Variants in PTBP2 observed in about 807,000 individuals in gnomAD.
PTBP2 encodes polypyrimidine tract-binding protein 2.
PTBP2 carries 13 observed loss-of-function variants against 61.4 expected under a neutral mutation model. The ratio of observed to expected loss-of-function variants is 0.21; its 90% CI spans 0.14 to 0.34. The LOEUF is 0.34. Among genes scored for constraint, PTBP2 ranks in the 10% least tolerant of loss-of-function variants. PTBP2 has a pLI of 1.00. For missense variants in PTBP2, 405 were observed against 642.6 expected, an observed-to-expected ratio of 0.63 and a Z score of 4.00; for synonymous variants, 215 against 218.5, an observed-to-expected ratio of 0.98 and a Z score of 0.14.
chr1:96,784,690 A>G (rs1204644768), intron 7 of PTBP2, among the ~76,000 whole-genome samples: 1 of 152,154 alleles, frequency 6.6e-6, no homozygotes, highest in African/African-American at 2.4e-5. Context: ...AAATATATGT[A>G]TAATAAAATT....
At chr1:96,765,252 T>C (rs1222733715) in intron 3 of PTBP2, among the ~76,000 whole-genome samples, 3 of 152,194 alleles carry the variant, frequency 2.0e-5, no homozygotes, top group Non-Finnish European at 1.5e-5. Flanking sequence ...AGGAAAACTT[T>C]TATAAATGTG....
In PTBP2 at chr1:96,813,469, C is replaced by T; in HGVS notation, c.*64C>T. Reference sequence around the variant, plus strand: ...CAATGTCATCACCTATTTGACTGTTCAGAAAAGTGGGGACCAGAGTTTGAT... The same window carrying T: ...CAATGTCATCACCTATTTGACTGTTTAGAAAAGTGGGGACCAGAGTTTGAT... On this transcript the variant is annotated 3_prime_UTR_variant, in exon 14 of 14. Transcript: ENST00000674951. The T allele has an allele frequency of 7.3e-7, 1 of 1,363,312 alleles. No homozygotes were observed. Among genetic ancestry groups the T allele is most frequent in the Non-Finnish European group, 9.7e-7 (1 of 1,032,518 alleles). The allele number at this position is 1,363,312 out of a possible 1,614,324, so 84.5% of individuals were successfully genotyped here.
intron 5 of PTBP2, among the ~76,000 whole-genome samples, chr1:96,771,724 T>C (rs895611271): frequency 6.6e-6 from 1 of 152,214 alleles, no homozygotes; most frequent in Non-Finnish European, 1.5e-5. Flanking sequence ...TAGATTTTTT[T>C]GCATTTTTAA....
rs563241972 is a variant in PTBP2, at chr1:96,773,123, CAAAA to C, written c.432+2292_432+2295del. Among the ~76,000 whole-genome samples, 251 of 88,240 alleles carry C rather than the reference CAAAA, an allele frequency of 2.8e-3. 1 individual carries two copies. The highest frequency in any genetic ancestry group is 4.4e-3 in the Admixed American group (35 of 7,978). The allele number at this position is 88,240 out of a possible 152,430, so 57.9% of individuals were successfully genotyped here. On this transcript the variant is annotated intron_variant, in intron 5 of 13. Transcript: ENST00000674951. Reference sequence around the variant, plus strand: ...TGGGTGACAGAGCGAGACTCTATCTCAAAAAAAAAAAAAAAAAAAAAAAGAGTAA... The same window carrying C: ...TGGGTGACAGAGCGAGACTCTATCTCAAAAAAAAAAAAAAAAAAAGAGTAA...
rs1041917898 is a variant in PTBP2, at chr1:96,785,146, A to G, written c.796A>G (p.Asn266Asp). The G allele has an allele frequency of 6.2e-7, 1 of 1,610,110 alleles. No individual in the cohort carries two copies. The highest frequency in any genetic ancestry group is 8.5e-7 in the Non-Finnish European group (1 of 1,177,424). Reference sequence around the variant, plus strand: ...TGTGAATTTGAATGTAAAATACAACAATGATAAAAGTAGGGATTATACTCG... The same window carrying G: ...TGTGAATTTGAATGTAAAATACAACGATGATAAAAGTAGGGATTATACTCG... ...KLVNLNVKYN[N>D]DKSRDYTRPD... The change falls in exon 8 of 14, where the codon AAT becomes GAT. Residue 266 changes from asparagine (N) to aspartate (D), a missense_variant. Transcript: ENST00000674951.
intron 8 of PTBP2, among the ~76,000 whole-genome samples, chr1:96,796,027 T>G (rs1660346747): frequency 6.6e-6 from 1 of 152,204 alleles, no homozygotes; most frequent in Non-Finnish European, 1.5e-5. Context: ...CTAATTTAAG[T>G]CCTAGAATTG....
At chr1:96,736,107 A>G (rs1440252528) in intron 2 of PTBP2, among the ~76,000 whole-genome samples, 2 of 152,202 alleles carry the variant, frequency 1.3e-5, no homozygotes, top group South Asian at 4.1e-4. Flanking sequence ...TAGCCAGCCA[A>G]ATTATCATAT....
At chr1:96,785,343 C>T (rs1659098373) in intron 8 of PTBP2, 89 bp downstream of exon 8, 1 of 1,058,662 alleles carries the variant, frequency 9.4e-7, no homozygotes, top group Non-Finnish European at 1.3e-6. Flanking sequence ...CATTTTGGAC[C>T]TTACCAAATT....
chr1:96,798,113 C>T (rs12021972), intron 8 of PTBP2, among the ~76,000 whole-genome samples: 17 of 150,976 alleles, frequency 1.1e-4, no homozygotes, highest in Non-Finnish European at 2.1e-4. Context: ...GGCTGTCAGG[C>T]GTGGTGTCTC....
chr1:96,812,291 A>G (rs1348826447), intron 11 of PTBP2, among the ~76,000 whole-genome samples: 1 of 152,212 alleles, frequency 6.6e-6, no homozygotes, highest in East Asian at 1.9e-4. Context: ...TTATCCAGAT[A>G]AAAAATAATG....
chr1:96,790,185 G>T (rs990869902), intron 8 of PTBP2, among the ~76,000 whole-genome samples: 1 of 151,862 alleles, frequency 6.6e-6, no homozygotes, highest in Non-Finnish European at 1.5e-5. Context: ...TTTCTTTAGA[G>T]TGTCATGTTA....
intron 2 of PTBP2, among the ~76,000 whole-genome samples, chr1:96,733,095 A>G (rs1323792446): frequency 6.6e-6 from 1 of 151,728 alleles, no homozygotes; most frequent in African/African-American, 2.4e-5. Flanking sequence ...GTAGGTGAGA[A>G]ATCTGACACA....
In PTBP2 at chr1:96,721,830, C is replaced by T. The variant is rs978109281; in HGVS notation, c.-35C>T. 3.2e-6 allele frequency: 5 copies of T among 1,557,398 alleles called. No homozygotes were observed. Among genetic ancestry groups the T allele is most frequent in the South Asian group, 1.2e-5 (1 of 84,470 alleles). ...TGTGTGGCTCGCTGGCTGCGTGGCT[C>T]GGTTCTTGTGAGCGAAGCTTTGTCC... On this transcript the variant is annotated 5_prime_UTR_variant, in exon 1 of 14. Coordinates refer to ENST00000674951, the MANE Select transcript of PTBP2 (RefSeq NM_021190.4).
intron 3 of PTBP2, among the ~76,000 whole-genome samples, chr1:96,754,440 G>T (rs545962306): frequency 5.3e-5 from 8 of 152,054 alleles, no homozygotes; most frequent in African/African-American, 1.7e-4. Flanking sequence ...CAGTGGTAAG[G>T]TTCTTATATT....
At chr1:96,755,769 C>G (rs1174846321) in intron 3 of PTBP2, among the ~76,000 whole-genome samples, 1 of 152,028 alleles carries the variant, frequency 6.6e-6, no homozygotes, top group Non-Finnish European at 1.5e-5. Context: ...TTATATAAAA[C>G]TCTGGGAAAT....
At chr1:96,729,464 A>G (rs780795846) in intron 2 of PTBP2, among the ~76,000 whole-genome samples, 10 of 152,148 alleles carry the variant, frequency 6.6e-5, no homozygotes, top group Non-Finnish European at 1.3e-4. Context: ...TGTTGAGAGA[A>G]TATCTTTTCC....
chr1:96,782,337 T>C (rs964607761), intron 7 of PTBP2, among the ~76,000 whole-genome samples: 2 of 152,024 alleles, frequency 1.3e-5, no homozygotes, highest in Non-Finnish European at 1.5e-5. Context: ...GATAAAACAT[T>C]TGCAGCAGTA....
intron 3 of PTBP2, among the ~76,000 whole-genome samples, chr1:96,761,724 GTTT>G (rs551456617): frequency 2.7e-5 from 4 of 149,134 alleles, no homozygotes; most frequent in African/African-American, 7.5e-5. Flanking sequence ...CTACTGTTCT[GTTT>G]TTTTTTGTTT....
chr1:96,781,476 C>T (rs932033398), intron 7 of PTBP2, among the ~76,000 whole-genome samples: 1 of 151,954 alleles, frequency 6.6e-6, no homozygotes, highest in African/African-American at 2.4e-5. Context: ...CTTTAAATAG[C>T]TTGCATATAC....
Sources: allele counts gnomAD v4.1 joint callset (sites outside exome capture counted in the v4.1 genomes callset), GRCh38; gene constraint gnomAD v4.1.1; transcripts MANE v1.5; gene names NCBI Gene and HGNC (gene_info 2026-07-23, HGNC 2026-07-21).